Variants in TSPAN18 observed in about 807,000 individuals in gnomAD.
TSPAN18 encodes tetraspanin 18.
In TSPAN18, 14 loss-of-function variants were observed where a neutral mutation model predicts 27.3. The ratio of observed to expected loss-of-function variants is 0.51; its 90% CI spans 0.34 to 0.80. TSPAN18 has a LOEUF of 0.80. Ranked by LOEUF, TSPAN18 falls within the 30% of genes least tolerant of loss-of-function variation. The probability of loss-of-function intolerance (pLI) is 0.01; values close to 1 mark genes in which losing one functional copy is unlikely to be tolerated. For missense variants in TSPAN18, 268 were observed against 323.9 expected, an observed-to-expected ratio of 0.83 and a Z score of 1.32; for synonymous variants, 143 against 136.5, an observed-to-expected ratio of 1.05 and a Z score of -0.33.
At chr11:44,759,233 C>T (rs1855396584) in intron 1 of TSPAN18, among the ~76,000 whole-genome samples, 1 of 152,190 alleles carries the variant, frequency 6.6e-6, no homozygotes, top group Non-Finnish European at 1.5e-5. Context: ...AATTCTTCAG[C>T]ACCTGGGTCA....
Position 44,755,598 on chromosome 11 carries a change from C to T in TSPAN18, c.-239-8828C>T, listed in dbSNP as rs562392915. On this transcript the variant is annotated intron_variant, in intron 1 of 9. Transcript: ENST00000520358. ...CCTTGGCTCTCCTCCCTCTCCCCTG[C>T]CCCCACACCAACCCCCTATGTAGCT... 3.9e-5 allele frequency among the ~76,000 whole-genome samples: 6 copies of T among 152,180 alleles called. No homozygotes were observed. The East Asian group carries it at 9.7e-4, about 25-fold the overall frequency.
At chr11:44,785,281 C>T (rs1032704547) in intron 2 of TSPAN18, among the ~76,000 whole-genome samples, 3 of 152,142 alleles carry the variant, frequency 2.0e-5, no homozygotes, top group Non-Finnish European at 4.4e-5. Context: ...TTTCCCATCC[C>T]AGATTTTCCA....
intron 1 of TSPAN18, among the ~76,000 whole-genome samples, chr11:44,743,690 G>A (rs1405891259): frequency 1.3e-5 from 2 of 152,212 alleles, no homozygotes; most frequent in Non-Finnish European, 2.9e-5. Context: ...AGAGCAACAC[G>A]CAGACTCCCA....
chr11:44,791,715 T>A (rs1856228002), intron 2 of TSPAN18, among the ~76,000 whole-genome samples: 2 of 152,196 alleles, frequency 1.3e-5, no homozygotes. Flanking sequence ...GGGAGCAATG[T>A]GCAGTGGACA....
intron 2 of TSPAN18, among the ~76,000 whole-genome samples, chr11:44,811,944 C>T (rs1404713271): frequency 3.9e-5 from 6 of 152,188 alleles, no homozygotes; most frequent in African/African-American, 7.2e-5. Flanking sequence ...GCTCATTCCC[C>T]GGGATGACAG....
intron 3 of TSPAN18, among the ~76,000 whole-genome samples, chr11:44,897,307 C>T (rs1859094433): frequency 6.6e-6 from 1 of 152,166 alleles, no homozygotes; most frequent in Non-Finnish European, 1.5e-5. Context: ...TCTCTCTCTC[C>T]TGGGAGTCTG....
chr11:44,926,673 G>C lies in TSPAN18; in HGVS notation c.616-1G>C. 6.2e-7 allele frequency: 1 copy of C among 1,614,042 alleles called. No homozygotes were observed. The highest frequency in any genetic ancestry group is 8.5e-7 in the Non-Finnish European group (1 of 1,179,960). On this transcript the variant is annotated splice_acceptor_variant, in intron 8 of 9. Coordinates refer to ENST00000520358, the MANE Select transcript of TSPAN18 (RefSeq NM_130783.5). LOFTEE classifies it high-confidence loss of function. ...CTTGACCTCTCATCCCTCCCTCCCAGGGCTGTTACACGGTGATCCTCAACA... is the reference window on the plus strand; with the variant it reads ...CTTGACCTCTCATCCCTCCCTCCCACGGCTGTTACACGGTGATCCTCAACA...
chr11:44,815,259 G>A (rs1052205287), intron 2 of TSPAN18, among the ~76,000 whole-genome samples: 3 of 152,216 alleles, frequency 2.0e-5, no homozygotes, highest in Admixed American at 6.5e-5. Context: ...AGTGATCCAC[G>A]GGCTGGATGC....
intron 1 of TSPAN18, among the ~76,000 whole-genome samples, chr11:44,727,844 A>T (rs1027355002): frequency 1.3e-5 from 2 of 150,276 alleles, no homozygotes; most frequent in African/African-American, 4.9e-5. Flanking sequence ...CTTATTCCTT[A>T]GGTGTGTGCG....
At chr11:44,896,620 A>G (rs1859063001) in intron 3 of TSPAN18, among the ~76,000 whole-genome samples, 1 of 151,498 alleles carries the variant, frequency 6.6e-6, no homozygotes, top group South Asian at 2.1e-4. Context: ...CTGCCTTTCC[A>G]TCTTCCCATC....
intron 3 of TSPAN18, among the ~76,000 whole-genome samples, chr11:44,874,877 G>C (rs1379440010): frequency 6.6e-6 from 1 of 152,212 alleles, no homozygotes; most frequent in South Asian, 2.1e-4. Context: ...CCCTTTTTCA[G>C]AGAATTCCAC....
intron 8 of TSPAN18, among the ~76,000 whole-genome samples, chr11:44,920,469 C>CTT (rs76596322): frequency 0.27 from 40,792 of 152,008 alleles, 7,632 homozygotes; most frequent in African/African-American, 0.53. Flanking sequence ...AGCTCCTAGA[C>CTT]TTCAGGTTCT....
At chr11:44,771,143 T>C (rs1185187169) in intron 2 of TSPAN18, among the ~76,000 whole-genome samples, 1 of 152,144 alleles carries the variant, frequency 6.6e-6, no homozygotes, top group Non-Finnish European at 1.5e-5. Flanking sequence ...ATGCAAAAGA[T>C]GACAGAGGAC....
chr11:44,837,261 AC>A (rs1332346441), intron 2 of TSPAN18, among the ~76,000 whole-genome samples: 1 of 152,188 alleles, frequency 6.6e-6, no homozygotes, highest in African/African-American at 2.4e-5. Flanking sequence ...TTGATTCTCA[AC>A]CCTTATGAGT....
At chr11:44,880,389 G>C (rs1858456933) in intron 3 of TSPAN18, among the ~76,000 whole-genome samples, 1 of 144,452 alleles carries the variant, frequency 6.9e-6, no homozygotes. Context: ...CATAACCCTG[G>C]TGAAGGGGTG....
In TSPAN18 at chr11:44,861,421, G is replaced by GT. The variant is rs558992177; in HGVS notation, c.-11+953dup. The stretch of plus-strand genomic sequence containing the variant: ...TGGGGTGCGGGTGGTGCTGAGGGAG[G>GT]TGGTCGGGGCTGTGGGGACTGGTCG... On this transcript the variant is annotated intron_variant, in intron 3 of 9. Transcript: ENST00000520358. Among the ~76,000 whole-genome samples the GT allele has an allele frequency of 1.6e-3, 237 of 145,492 alleles. 7 individuals are homozygous for GT. In the East Asian group the frequency reaches 0.033, roughly 20 times the overall value.
At chr11:44,790,182 CAT>C (rs1297639653) in intron 2 of TSPAN18, among the ~76,000 whole-genome samples, 5 of 146,666 alleles carry the variant, frequency 3.4e-5, no homozygotes, top group South Asian at 2.2e-4. Context: ...TGTGTGTGCG[CAT>C]ATGTGTGTGT....
chr11:44,857,283 C>T (rs900847811), intron 2 of TSPAN18, among the ~76,000 whole-genome samples: 2 of 152,228 alleles, frequency 1.3e-5, no homozygotes, highest in African/African-American at 2.4e-5. Context: ...ACTTGACCTA[C>T]GACAGGCATC....
At chr11:44,921,072 C>G (rs901916599) in intron 8 of TSPAN18, among the ~76,000 whole-genome samples, 2 of 152,176 alleles carry the variant, frequency 1.3e-5, no homozygotes, top group African/African-American at 2.4e-5. Flanking sequence ...GGAACTCAGC[C>G]CCTCTGGCCC....
Sources: gnomAD v4.1 joint callset for allele counts (sites outside exome capture counted in the v4.1 genomes callset) on GRCh38, gnomAD v4.1.1 for gene constraint, MANE v1.5 for transcripts, NCBI Gene and HGNC (gene_info 2026-07-23, HGNC 2026-07-21) for gene names.